The following PCDHA6 variants were observed in gnomAD, a reference collection of about 807,000 sequenced individuals.
PCDHA6 encodes the protein protocadherin alpha-6.
A neutral mutation model predicts 60.3 loss-of-function variants in PCDHA6; 55 were observed. The observed-to-expected ratio is 0.91, with a 90% confidence interval of 0.73 to 1.14. The LOEUF (loss-of-function observed/expected upper bound fraction) is 1.14, where lower values mean the gene tolerates loss of function less well. PCDHA6 is among the 50% of genes most tolerant of loss of function. The pLI is 0.00. For missense variants in PCDHA6, 1,327 were observed against 1,256.5 expected, an observed-to-expected ratio of 1.06 and a Z score of -0.85; for synonymous variants, 652 against 557.9, an observed-to-expected ratio of 1.17 and a Z score of -2.38.
chr5:140,861,476 C>A, intron 1 of PCDHA6: 2 of 493,220 alleles, frequency 4.1e-6, no homozygotes, highest in Admixed American at 2.1e-5. Flanking sequence ...TGCAGAATGG[C>A]ATTTTTGTGA....
chr5:140,875,402 C>T, intron 1 of PCDHA6: 1 of 1,488,874 alleles, frequency 6.7e-7, no homozygotes, highest in Non-Finnish European at 8.9e-7. Flanking sequence ...AGGGTGACTG[C>T]TCATAAAATA....
In PCDHA6 at chr5:141,011,632, C is replaced by T. The variant is rs1333162247; in HGVS notation, c.*1695C>T. Reference sequence around the variant, plus strand: ...TTTATGGTCCAGCCAAGAGCCATCTCGTGCCAAGACTTCTGCTGGCAAGGG... The same window carrying T: ...TTTATGGTCCAGCCAAGAGCCATCTTGTGCCAAGACTTCTGCTGGCAAGGG... On this transcript the variant is annotated 3_prime_UTR_variant, in exon 4 of 4. Transcript: ENST00000529310. The T allele has an allele frequency of 1.3e-5, 2 of 153,656 alleles. No homozygotes were observed. The highest frequency in any genetic ancestry group is 4.8e-5 in the African/African-American group (2 of 41,412). 9.5% of individuals were successfully genotyped at this position (153,656 alleles called of 1,614,324 possible).
chr5:140,879,687 CA>C (rs1343612878), intron 1 of PCDHA6, among the ~76,000 whole-genome samples: 1 of 152,156 alleles, frequency 6.6e-6, no homozygotes, highest in Non-Finnish European at 1.5e-5. Context: ...TGTAAAACAG[CA>C]AAAGTTTATT....
At chr5:140,869,228 G>T (rs782726206) in intron 1 of PCDHA6, 1 of 1,613,764 alleles carries the variant, frequency 6.2e-7, no homozygotes, top group South Asian at 1.1e-5. Flanking sequence ...GCCAAACACG[G>T]CACCTTCGTG....
chr5:140,883,355 A>T (rs763058953), intron 1 of PCDHA6: 2 of 1,614,076 alleles, frequency 1.2e-6, no homozygotes, highest in Admixed American at 3.3e-5. Context: ...CAGAGAAGAC[A>T]CTCAGCCTAG....
chr5:141,009,298 T>C (rs1196659486), intron 3 of PCDHA6, among the ~76,000 whole-genome samples: 1 of 152,130 alleles, frequency 6.6e-6, no homozygotes, highest in Non-Finnish European at 1.5e-5. Context: ...CTATAAAATT[T>C]TTTTTAAAAA....
At position 140,973,495 on chromosome 5, in the gene PCDHA6, T is replaced by TA. The variant is rs148545809; in HGVS notation, c.2395-5454_2395-5453insA. Among the ~76,000 whole-genome samples, 585 of 152,336 alleles carry TA rather than the reference T, an allele frequency of 3.8e-3. 2 individuals are homozygous for TA. Among genetic ancestry groups the TA allele is most frequent in the African/African-American group, 0.013 (553 of 41,574 alleles). ...AATTTCATATTGGTCACAGGACTCTTCTTCTGAGAAAAAGTTTATTTTCTT... is the reference window on the plus strand; with the variant it reads ...AATTTCATATTGGTCACAGGACTCTTACTTCTGAGAAAAAGTTTATTTTCTT... On this transcript the variant is annotated intron_variant, in intron 1 of 3. Coordinates refer to ENST00000529310, the MANE Select transcript of PCDHA6 (RefSeq NM_018909.4).
rs139860906 is a variant in PCDHA6, at chr5:140,989,355, C to T, written c.2542+6792C>T. On this transcript the variant is annotated intron_variant, in intron 3 of 3. Transcript: ENST00000529310. Reference sequence around the variant, plus strand: ...CTGACTCAGCTCAAAGGTGATAGGTCACCTGTGTGACTGAGAGCTTTGTGG... The same window carrying T: ...CTGACTCAGCTCAAAGGTGATAGGTTACCTGTGTGACTGAGAGCTTTGTGG... Among the ~76,000 whole-genome samples the T allele has an allele frequency of 1.6e-4, 25 of 152,258 alleles. No individual in the cohort carries two copies. In the East Asian group the frequency reaches 4.4e-3, roughly 27 times the overall value.
intron 1 of PCDHA6, among the ~76,000 whole-genome samples, chr5:140,901,883 C>G (rs1206318073): frequency 5.3e-5 from 8 of 152,038 alleles, no homozygotes; most frequent in Non-Finnish European, 1.0e-4. Flanking sequence ...CTTTCATCAG[C>G]ATTTTATATT....
intron 1 of PCDHA6, among the ~76,000 whole-genome samples, chr5:140,975,784 A>T (rs1216156931): frequency 1.3e-5 from 2 of 151,914 alleles, no homozygotes; most frequent in African/African-American, 4.8e-5. Flanking sequence ...CCATTACAAG[A>T]TAAATTAAAT....
chr5:140,990,671 C>T (rs2097406151), intron 3 of PCDHA6, among the ~76,000 whole-genome samples: 2 of 152,176 alleles, frequency 1.3e-5, no homozygotes, highest in South Asian at 4.1e-4. Flanking sequence ...ATTAGATGCA[C>T]ACCAAGCTGC....
chr5:140,972,623 T>C (rs1554234256), intron 1 of PCDHA6, among the ~76,000 whole-genome samples: 1 of 151,938 alleles, frequency 6.6e-6, no homozygotes, highest in African/African-American at 2.4e-5. Context: ...TGAATGTTGT[T>C]GGCACTCCCT....
Position 141,011,614 on chromosome 5 carries a change from T to C in PCDHA6, c.*1677T>C, listed in dbSNP as rs1268321894. On this transcript the variant is annotated 3_prime_UTR_variant, in exon 4 of 4. Transcript: ENST00000529310. ...GTGATTCAAGGAATTTTATTTATGG[T>C]CCAGCCAAGAGCCATCTCGTGCCAA... 5 of 153,774 alleles carry C rather than the reference T, an allele frequency of 3.3e-5. No individual in the cohort carries two copies. Among genetic ancestry groups the C allele is most frequent in the African/African-American group, 1.2e-4 (5 of 41,460 alleles). 9.5% of individuals were successfully genotyped at this position (153,774 alleles called of 1,614,324 possible). A position where few individuals can be genotyped will look rare whatever the true frequency, so the allele number is the denominator to read the frequency against.
chr5:140,955,987 A>G (rs1185683030), intron 1 of PCDHA6, among the ~76,000 whole-genome samples: 3 of 152,198 alleles, frequency 2.0e-5, no homozygotes, highest in African/African-American at 7.2e-5. Flanking sequence ...CAATTTTTGC[A>G]CATTGATTTT....
At chr5:140,925,176 A>G (rs187925786) in intron 1 of PCDHA6, among the ~76,000 whole-genome samples, 2 of 152,236 alleles carry the variant, frequency 1.3e-5, no homozygotes, top group African/African-American at 2.4e-5. Context: ...ATTGACCCCA[A>G]TGTACCATCA....
chr5:140,919,097 C>T lies in PCDHA6; in HGVS notation c.2395-59852C>T, dbSNP rs531325561. Among the ~76,000 whole-genome samples the T allele has an allele frequency of 5.3e-5, 8 of 152,242 alleles. No homozygotes were observed. The South Asian group carries it at 1.7e-3, about 32-fold the overall frequency. ...TATGACTATTGAATTGTCTATTTCT[C>T]CCTTCATTTCTGCCAGTTTTTGCTT... On this transcript the variant is annotated intron_variant, in intron 1 of 3. Coordinates refer to ENST00000529310, the MANE Select transcript of PCDHA6 (RefSeq NM_018909.4).
intron 1 of PCDHA6, among the ~76,000 whole-genome samples, chr5:140,933,127 A>G (rs1311388252): frequency 6.6e-6 from 1 of 151,992 alleles, no homozygotes; most frequent in East Asian, 1.9e-4. Flanking sequence ...AAGCTAAATA[A>G]TAAAGGTAGA....
chr5:140,898,579 T>A (rs1471026172), intron 1 of PCDHA6, among the ~76,000 whole-genome samples: 1 of 152,222 alleles, frequency 6.6e-6, no homozygotes, highest in African/African-American at 2.4e-5. Flanking sequence ...GCCATGCTGT[T>A]TTGGTTACTG....
intron 1 of PCDHA6, among the ~76,000 whole-genome samples, chr5:140,904,620 A>T (rs1419190047): frequency 6.6e-6 from 1 of 151,986 alleles, no homozygotes; most frequent in Non-Finnish European, 1.5e-5. Flanking sequence ...TTTTACTTTT[A>T]GTTCTTTAAG....
Sources: gnomAD v4.1 joint callset for allele counts (sites outside exome capture counted in the v4.1 genomes callset) on GRCh38, gnomAD v4.1.1 for gene constraint, MANE v1.5 for transcripts, NCBI Gene and HGNC (gene_info 2026-07-23, HGNC 2026-07-21) for gene names.